The following TAFA1 variants were observed in gnomAD, a reference collection of about 807,000 sequenced individuals.
The protein encoded by TAFA1 is TAFA chemokine like family member 1, also known as chemokine-like protein TAFA-1.
In TAFA1, 4 loss-of-function variants were observed where a neutral mutation model predicts 18.5. That is an observed-to-expected ratio of 0.22 (90% confidence interval 0.11 to 0.49). TAFA1 has a LOEUF of 0.49. Among genes scored for constraint, TAFA1 ranks in the 20% least tolerant of loss-of-function variants. The pLI is 0.98. For missense variants in TAFA1, 147 were observed against 169.0 expected (o/e 0.87, Z 0.72); for synonymous variants, 56 against 55.2 (o/e 1.01, Z -0.06).
At chr3:68,335,730 C>T (rs919369033) in intron 2 of TAFA1, among the ~76,000 whole-genome samples, 2 of 152,102 alleles carry the variant, frequency 1.3e-5, no homozygotes, top group African/African-American at 4.8e-5. Context: ...ATAAAAATTA[C>T]TGGATAAATA....
chr3:68,539,788 C>T (rs2073343333), intron 4 of TAFA1, among the ~76,000 whole-genome samples: 1 of 150,590 alleles, frequency 6.6e-6, no homozygotes, highest in Non-Finnish European at 1.5e-5. Flanking sequence ...AGAGGGGGGT[C>T]TCACTCTGTT....
intron 2 of TAFA1, among the ~76,000 whole-genome samples, chr3:68,292,162 ATTT>A (rs2068120011): frequency 6.6e-6 from 1 of 152,100 alleles, no homozygotes; most frequent in South Asian, 2.1e-4. Context: ...AGTTAAGCAT[ATTT>A]AGAACATTTA....
intron 2 of TAFA1, among the ~76,000 whole-genome samples, chr3:68,171,950 G>C (rs1027967002): frequency 6.6e-6 from 1 of 152,108 alleles, no homozygotes; most frequent in Admixed American, 6.5e-5. Context: ...AAAAATGTGT[G>C]TGTTTAAACC....
At chr3:68,322,389 A>G (rs796763793) in intron 2 of TAFA1, among the ~76,000 whole-genome samples, 6 of 152,358 alleles carry the variant, frequency 3.9e-5, no homozygotes, top group African/African-American at 1.4e-4. Flanking sequence ...AGGAAGACAC[A>G]TACTTCACTC....
chr3:68,238,106 A>G (rs567011034), intron 2 of TAFA1, among the ~76,000 whole-genome samples: 1 of 152,220 alleles, frequency 6.6e-6, no homozygotes, highest in East Asian at 1.9e-4. Context: ...ATAGGCCACC[A>G]TGGTAATGTT....
chr3:68,252,650 G>A (rs1381615996), intron 2 of TAFA1, among the ~76,000 whole-genome samples: 1 of 152,160 alleles, frequency 6.6e-6, no homozygotes, highest in Non-Finnish European at 1.5e-5. Flanking sequence ...GTGGCTATAA[G>A]TACTTTCTGA....
intron 3 of TAFA1, among the ~76,000 whole-genome samples, chr3:68,510,400 C>T (rs552287778): frequency 1.3e-5 from 2 of 152,188 alleles, no homozygotes; most frequent in Admixed American, 1.3e-4. Flanking sequence ...GGTGAGGATT[C>T]AGGCCCAATC....
intron 2 of TAFA1, among the ~76,000 whole-genome samples, chr3:68,196,909 C>T (rs1374957482): frequency 6.6e-6 from 1 of 151,850 alleles, no homozygotes; most frequent in East Asian, 2.0e-4. Flanking sequence ...ATCCTTCTGG[C>T]CATTGAAAGT....
At chr3:68,341,185 G>GTC (rs763279489) in intron 2 of TAFA1, among the ~76,000 whole-genome samples, 37 of 152,280 alleles carry the variant, frequency 2.4e-4, no homozygotes, top group Non-Finnish European at 4.7e-4. Context: ...ACTCAAATCA[G>GTC]TCTCTCCAAG....
chr3:68,533,563 C>G (rs1417062856), intron 3 of TAFA1, among the ~76,000 whole-genome samples: 3 of 152,116 alleles, frequency 2.0e-5, no homozygotes, highest in Non-Finnish European at 4.4e-5. Flanking sequence ...GGCAGAGGAA[C>G]AGTAAAGTAT....
At chr3:68,239,301 G>A (rs2066968732) in intron 2 of TAFA1, among the ~76,000 whole-genome samples, 1 of 152,084 alleles carries the variant, frequency 6.6e-6, no homozygotes, top group South Asian at 2.1e-4. Flanking sequence ...ATGTTACAAA[G>A]TTTATCAATA....
intron 2 of TAFA1, among the ~76,000 whole-genome samples, chr3:68,204,183 G>A (rs902665899): frequency 6.6e-6 from 1 of 151,758 alleles, no homozygotes; most frequent in Middle Eastern, 3.2e-3. Context: ...CCTAAAATTA[G>A]TTTGTGATTT....
At chr3:68,430,912 A>T (rs1222769459) in intron 3 of TAFA1, among the ~76,000 whole-genome samples, 1 of 152,044 alleles carries the variant, frequency 6.6e-6, no homozygotes, top group Non-Finnish European at 1.5e-5. Flanking sequence ...TACTGTATTA[A>T]CTAAGAGATT....
At chr3:68,014,973 T>C (rs1187214295) in intron 2 of TAFA1, among the ~76,000 whole-genome samples, 2 of 152,194 alleles carry the variant, frequency 1.3e-5, no homozygotes, top group Non-Finnish European at 1.5e-5. Flanking sequence ...CAAGACTACC[T>C]CCAACTCTAA....
intron 2 of TAFA1, among the ~76,000 whole-genome samples, chr3:68,101,105 C>A (rs1471881838): frequency 6.6e-6 from 1 of 151,928 alleles, no homozygotes; most frequent in Non-Finnish European, 1.5e-5. Flanking sequence ...TATTTCATCA[C>A]CCAGGTATTG....
At chr3:68,323,608 T>C (rs2068726862) in intron 2 of TAFA1, among the ~76,000 whole-genome samples, 1 of 152,148 alleles carries the variant, frequency 6.6e-6, no homozygotes. Context: ...TGCATGGTAG[T>C]TTTAAGCTGA....
chr3:68,409,947 C>A (rs1004971466), intron 2 of TAFA1, among the ~76,000 whole-genome samples: 3 of 152,092 alleles, frequency 2.0e-5, no homozygotes, highest in Admixed American at 6.6e-5. Context: ...CCAGTGGGGA[C>A]CCTTTTAAAA....
At chr3:68,287,315 C>T (rs1410955044) in intron 2 of TAFA1, among the ~76,000 whole-genome samples, 2 of 152,322 alleles carry the variant, frequency 1.3e-5, no homozygotes, top group South Asian at 4.1e-4. Flanking sequence ...GCCCTTCGTT[C>T]ATCTCCTGCT....
At chr3:68,173,620 T>C (rs1220415532) in intron 2 of TAFA1, among the ~76,000 whole-genome samples, 1 of 152,198 alleles carries the variant, frequency 6.6e-6, no homozygotes, top group Non-Finnish European at 1.5e-5. Flanking sequence ...TATTTTCCTA[T>C]GAGAGTACAT....
Sources: gnomAD v4.1 joint callset for allele counts (sites outside exome capture counted in the v4.1 genomes callset) on GRCh38, gnomAD v4.1.1 for gene constraint, MANE v1.5 for transcripts, NCBI Gene and HGNC (gene_info 2026-07-23, HGNC 2026-07-21) for gene names.